Variants in C19orf38 observed in about 807,000 individuals in gnomAD.
C19orf38 encodes the protein protein HIDE1.
In C19orf38, 14 loss-of-function variants were observed where a neutral mutation model predicts 26.6. The ratio of observed to expected loss-of-function variants is 0.53; its 90% CI spans 0.35 to 0.82. C19orf38 has a LOEUF of 0.82. C19orf38 is among the 40% of genes least tolerant of loss of function. C19orf38 has a pLI of 0.01. For synonymous variants in C19orf38, 132 were observed against 128.5 expected (o/e 1.03, Z -0.18); for missense variants, 261 against 299.5 (o/e 0.87, Z 0.95).
At chr19:10,863,575 A>G (rs978316155) in intron 6 of C19orf38, among the ~76,000 whole-genome samples, 1 of 152,090 alleles carries the variant, frequency 6.6e-6, no homozygotes, top group African/African-American at 2.4e-5. Flanking sequence ...GCTTGTGACA[A>G]TCTGTGTCAC....
intron 1 of C19orf38, among the ~76,000 whole-genome samples, 195 bp downstream of exon 1, chr19:10,848,734 C>A (rs999716306): frequency 1.3e-5 from 2 of 152,148 alleles, no homozygotes; most frequent in African/African-American, 4.8e-5. Context: ...TTCTTAGGCT[C>A]CTCATCACCC....
intron 4 of C19orf38, among the ~76,000 whole-genome samples, 188 bp from the exon 5 acceptor site, chr19:10,859,727 G>A (rs1040993516): frequency 6.6e-6 from 1 of 151,998 alleles, no homozygotes; most frequent in African/African-American, 2.4e-5. Flanking sequence ...CCAAGGGGCT[G>A]TCCCACAGTG....
chr19:10,856,730 C>G (rs948022611), intron 3 of C19orf38, among the ~76,000 whole-genome samples: 2 of 151,956 alleles, frequency 1.3e-5, no homozygotes, highest in African/African-American at 2.4e-5. Context: ...TCTGGAACTC[C>G]TGACCTCAGG....
rs201194318 is a variant in C19orf38, at chr19:10,859,951, C to T, written c.498C>T (p.Asp166=). The T allele has an allele frequency of 9.0e-6, 14 of 1,551,810 alleles. No homozygotes were observed. The Admixed American group carries it at 1.6e-4, about 17-fold the overall frequency. ...CCTGCTGGGCCCAGATTAACTTCGA[C>T]AGCACAGGTCTGTGCCTCCACACTC... ...RESCWAQINF[D]STDMSFDNSL... The change falls in exon 5 of 7, where the codon GAC becomes GAT. Residue 166 remains aspartate, a synonymous_variant. Transcript: ENST00000397820.
At chr19:10,862,837 G>GAA (rs377754769) in intron 5 of C19orf38, among the ~76,000 whole-genome samples, 1 of 148,788 alleles carries the variant, frequency 6.7e-6, no homozygotes, top group Non-Finnish European at 1.5e-5. Context: ...TCAAAAACAA[G>GAA]AAAAAAAAAA....
intron 5 of C19orf38, among the ~76,000 whole-genome samples, chr19:10,860,679 A>C (rs2146270589): frequency 6.7e-6 from 1 of 149,900 alleles, no homozygotes; most frequent in Admixed American, 6.7e-5. Flanking sequence ...ATCTCTACTA[A>C]AAATACAAAA....
chr19:10,859,884 C>T (rs1221875333), intron 4 of C19orf38, 31 bp from the exon 5 acceptor site: 2 of 1,548,860 alleles, frequency 1.3e-6, no homozygotes, highest in Non-Finnish European at 1.7e-6. Context: ...CAACCCTGAT[C>T]CCTGTCACTT....
In C19orf38 at chr19:10,850,453, G is replaced by T; in HGVS notation, c.226G>T (p.Gly76Cys). The stretch of plus-strand genomic sequence containing the variant: ...GCGCGGGGTGACATTTAACCTGAGC[G>T]GCGGCAGCAGCAAGGCTCCAGGGGG... ...DQRGVTFNLS[G>C]GSSKAPGGPF... Residue 76 changes from glycine (G) to cysteine (C), a missense_variant, in exon 2 of 7, where the codon GGC becomes TGC. Coordinates refer to ENST00000397820, the MANE Select transcript of C19orf38 (RefSeq NM_001136482.3). 1 of 1,551,388 alleles carries T rather than the reference G, an allele frequency of 6.4e-7. No individual in the cohort carries two copies. Among genetic ancestry groups the T allele is most frequent in the Non-Finnish European group, 8.7e-7 (1 of 1,146,892 alleles).
intron 4 of C19orf38, among the ~76,000 whole-genome samples, chr19:10,858,909 G>A (rs2073658933): frequency 6.6e-6 from 1 of 151,500 alleles, no homozygotes; most frequent in African/African-American, 2.4e-5. Context: ...CTGGCTGTGG[G>A]CCTCCTAACC....
intron 1 of C19orf38, among the ~76,000 whole-genome samples, chr19:10,839,516 C>G (rs535211833): frequency 2.0e-5 from 3 of 152,142 alleles, no homozygotes; most frequent in Non-Finnish European, 4.4e-5. Context: ...ACTTTGCCCC[C>G]CGCCTCTCAA....
upstream of C19orf38, among the ~76,000 whole-genome samples, chr19:10,848,203 TAAAAA>T (rs548609491): frequency 1.3e-5 from 2 of 149,510 alleles, no homozygotes; most frequent in Non-Finnish European, 1.5e-5. Flanking sequence ...AAAATAAAAA[TAAAAA>T]AAGAGGAAAA....
At chr19:10,863,301 C>A in intron 6 of C19orf38, 94 bp downstream of exon 6, 1 of 1,367,284 alleles carries the variant, frequency 7.3e-7, no homozygotes, top group Non-Finnish European at 1.0e-6. Context: ...CTAAGTTGAC[C>A]TGCTGTCTCT....
intron 6 of C19orf38, among the ~76,000 whole-genome samples, chr19:10,865,389 C>T (rs998117566): frequency 2.0e-5 from 3 of 152,184 alleles, no homozygotes; most frequent in Admixed American, 2.0e-4. Context: ...TCAGGTGATC[C>T]GCCCGCCTTG....
At position 10,859,916 on chromosome 19, in the gene C19orf38, G is replaced by C; in HGVS notation, c.463G>C (p.Asp155His). 6.4e-7 allele frequency: 1 copy of C among 1,551,876 alleles called. No homozygotes were observed. The highest frequency in any genetic ancestry group is 8.7e-7 in the Non-Finnish European group (1 of 1,146,922). Residue 155 changes from aspartate to histidine, a missense_variant and splice_region_variant, in exon 5 of 7, where the codon GAT becomes CAT. Asp to His is a moderately conservative substitution (Grantham distance 81, BLOSUM62 -1). Transcript: ENST00000397820. Reference sequence around the variant, plus strand: ...ACTTTCTCCTGAATTCCTTTGCAGAGATCGAGAATCCTGCTGGGCCCAGAT... The same window carrying C: ...ACTTTCTCCTGAATTCCTTTGCAGACATCGAGAATCCTGCTGGGCCCAGAT... ...VKLRNLQKKR[D>H]RESCWAQINF...
rs891309215 is a variant in C19orf38, at chr19:10,850,491, C to T, written c.264C>T (p.Cys88=). ...AGGCTCCAGGGGGACCCTTCCACTG[C>T]CAGTATGGAGTGTTAGGTGAGCTCA... ...SSKAPGGPFH[C]QYGVLGELNQ... The change falls in exon 2 of 7, where the codon TGC becomes TGT. Residue 88 remains cysteine (C), a synonymous_variant. Transcript: ENST00000397820. The T allele has an allele frequency of 1.8e-5, 28 of 1,551,532 alleles. No individual in the cohort carries two copies. The highest frequency in any genetic ancestry group is 3.3e-4 in the Middle Eastern group (2 of 6,014).
Position 10,850,807 on chromosome 19 carries a change from T to C in C19orf38, c.340+240T>C, listed in dbSNP as rs1465767303. 2.0e-5 allele frequency among the ~76,000 whole-genome samples: 3 copies of C among 152,198 alleles called. No homozygotes were observed. The East Asian group carries it at 5.8e-4, about 29-fold the overall frequency. On this transcript the variant is annotated intron_variant, in intron 2 of 6. Coordinates refer to ENST00000397820, the MANE Select transcript of C19orf38 (RefSeq NM_001136482.3). ...ATGGCTAGATCCAGGTGCTGAAAGCTGTCAGGGACCATTTGCCCCATCTCT... is the reference window on the plus strand; with the variant it reads ...ATGGCTAGATCCAGGTGCTGAAAGCCGTCAGGGACCATTTGCCCCATCTCT...
Position 10,850,467 on chromosome 19 carries a change from G to A in C19orf38, c.240G>A (p.Lys80=), listed in dbSNP as rs1458794589. ...VTFNLSGGSS[K]APGGPFHCQY... ...TTAACCTGAGCGGCGGCAGCAGCAA[G>A]GCTCCAGGGGGACCCTTCCACTGCC... The change falls in exon 2 of 7, where the codon AAG becomes AAA. Residue 80 remains lysine, a synonymous_variant. Transcript: ENST00000397820. The A allele has an allele frequency of 1.3e-6, 2 of 1,551,502 alleles. No homozygotes were observed. The highest frequency in any genetic ancestry group is 1.7e-6 in the Non-Finnish European group (2 of 1,146,960).
At chr19:10,838,165 C>G (rs1481356559) in intron 1 of C19orf38, among the ~76,000 whole-genome samples, 1 of 152,188 alleles carries the variant, frequency 6.6e-6, no homozygotes, top group African/African-American at 2.4e-5. Context: ...AATCCCAACA[C>G]TTTTGGAGGC....
intron 6 of C19orf38, among the ~76,000 whole-genome samples, chr19:10,866,054 G>T (rs1052338711): frequency 6.7e-6 from 1 of 149,816 alleles, no homozygotes; most frequent in African/African-American, 2.5e-5. Context: ...TTAATTTTTT[G>T]AGATGGAGTT....
Sources: allele counts gnomAD v4.1 joint callset (sites outside exome capture counted in the v4.1 genomes callset), GRCh38; gene constraint gnomAD v4.1.1; transcripts MANE v1.5; gene names NCBI Gene and HGNC (gene_info 2026-07-23, HGNC 2026-07-21).